The following VEPH1 variants were observed in gnomAD, a reference collection of about 807,000 sequenced individuals.
VEPH1 encodes ventricular zone-expressed PH domain-containing protein homolog 1.
A neutral mutation model predicts 85.2 loss-of-function variants in VEPH1; 80 were observed. The observed-to-expected ratio is 0.94, with a 90% confidence interval of 0.78 to 1.13. VEPH1 has a LOEUF of 1.13. Among genes scored for constraint, VEPH1 ranks in the 50% most tolerant of loss-of-function variants. The probability of loss-of-function intolerance (pLI) is 0.00; values close to 1 mark genes in which losing one functional copy is unlikely to be tolerated. For synonymous variants in VEPH1, 297 were observed against 348.0 expected, an observed-to-expected ratio of 0.85 and a Z score of 1.63; for missense variants, 955 against 980.5, an observed-to-expected ratio of 0.97 and a Z score of 0.35.
rs750981066 is a variant in VEPH1 at position 157,495,176 on chromosome 3, A to G, written c.138+36T>C. On this transcript the variant is annotated intron_variant, in intron 2 of 13. Coordinates refer to ENST00000362010, the MANE Select transcript of VEPH1 (RefSeq NM_001167912.2). Reference sequence around the variant, plus strand: ...CAAATCTCTAGCTCTAGGACAGGCCATTTCAGAGATGTAGTCTATAAACCA... The same window carrying G: ...CAAATCTCTAGCTCTAGGACAGGCCGTTTCAGAGATGTAGTCTATAAACCA... 1.6e-5 allele frequency: 26 copies of G among 1,603,736 alleles called. No homozygotes were observed. The East Asian group carries it at 5.8e-4, about 36-fold the overall frequency.
At chr3:157,493,699 A>C (rs183075571) in intron 2 of VEPH1, among the ~76,000 whole-genome samples, 2 of 152,318 alleles carry the variant, frequency 1.3e-5, no homozygotes, top group African/African-American at 4.8e-5. Context: ...GGGACCTGCC[A>C]GCCTTAATGG....
chr3:157,432,034 G>A (rs553967356), intron 4 of VEPH1, among the ~76,000 whole-genome samples: 12 of 151,752 alleles, frequency 7.9e-5, no homozygotes, highest in South Asian at 2.1e-4. Context: ...ATTTTTAGTA[G>A]AGATGGAGTT....
chr3:157,276,793 C>T (rs866019209), intron 12 of VEPH1, among the ~76,000 whole-genome samples: 3 of 152,000 alleles, frequency 2.0e-5, no homozygotes, highest in South Asian at 2.1e-4. Context: ...TAGTACATGT[C>T]TTTATGAGAA....
chr3:157,412,433 T>C (rs1731600956), intron 6 of VEPH1, among the ~76,000 whole-genome samples: 1 of 152,144 alleles, frequency 6.6e-6, no homozygotes, highest in African/African-American at 2.4e-5. Flanking sequence ...AGAATTACCA[T>C]TAAATTGCAG....
intron 9 of VEPH1, among the ~76,000 whole-genome samples, chr3:157,340,574 C>G (rs925507007): frequency 6.6e-6 from 1 of 152,198 alleles, no homozygotes; most frequent in African/African-American, 2.4e-5. Context: ...GGCCTACCTG[C>G]CTCTGTAGAC....
rs750882842 is a variant in VEPH1 at position 157,363,418 on chromosome 3, A to T, written c.1681T>A (p.Tyr561Asn). The T allele has an allele frequency of 6.2e-7, 1 of 1,612,836 alleles. No homozygotes were observed. Among genetic ancestry groups the T allele is most frequent in the Admixed American group, 1.7e-5 (1 of 59,674 alleles). Reference sequence around the variant, plus strand: ...ATCTTCTTTCCAATTTCCATGGCATATGCTTTCACTTTGCTGAGGTTTTTT... The same window carrying T: ...ATCTTCTTTCCAATTTCCATGGCATTTGCTTTCACTTTGCTGAGGTTTTTT... Reference protein sequence around the residue: ...LKKNLSKVKAYAMEIGKKIPV... With the variant: ...LKKNLSKVKANAMEIGKKIPV... Residue 561 changes from tyrosine (Y) to asparagine (N), a missense_variant, in exon 9 of 14, where the codon TAT becomes AAT. Tyr to Asn is a moderately radical substitution (Grantham distance 143). Transcript: ENST00000362010.
At position 157,260,044 on chromosome 3, in the gene VEPH1, G is replaced by A. The variant is rs933843647; in HGVS notation, c.*1090C>T. On this transcript the variant is annotated 3_prime_UTR_variant, in exon 14 of 14. Transcript: ENST00000362010. ...AGTCTGATTAGGTCAGGCCCACCCA[G>A]GGGATCTCTTTGATTAACTCAAAGT... 5.3e-5 allele frequency: 8 copies of A among 152,152 alleles called. No individual in the cohort carries two copies. Among genetic ancestry groups the A allele is most frequent in the African/African-American group, 1.9e-4 (8 of 41,434 alleles). The allele number at this position is 152,152 out of a possible 1,614,324, so 9.4% of individuals were successfully genotyped here. A position where few individuals can be genotyped will look rare whatever the true frequency, so the allele number is the denominator to read the frequency against.
chr3:157,470,229 C>T (rs1736794503), intron 3 of VEPH1, 85 bp downstream of exon 3: 1 of 1,220,884 alleles, frequency 8.2e-7, no homozygotes. Context: ...GCTGCAGAAG[C>T]ATTGGCTCTT....
chr3:157,436,928 C>T (rs1460296323), intron 4 of VEPH1: 2 of 1,612,794 alleles, frequency 1.2e-6, no homozygotes, highest in East Asian at 4.5e-5. Context: ...TTGCGTCTCT[C>T]CAGCAATGCA....
In VEPH1 at chr3:157,261,503, G is replaced by T. The variant is rs995685995; in HGVS notation, c.2266-133C>A. The T allele has an allele frequency of 5.7e-6, 8 of 1,393,152 alleles. No homozygotes were observed. In the African/African-American group the frequency reaches 8.6e-5, roughly 15 times the overall value. The allele number at this position is 1,393,152 out of a possible 1,614,324, so 86.3% of individuals were successfully genotyped here. A position where few individuals can be genotyped will look rare whatever the true frequency, so the allele number is the denominator to read the frequency against. On this transcript the variant is annotated intron_variant, in intron 13 of 13. Transcript: ENST00000362010. ...TCTCAAGACCTTTGTTATTTTGGGTGCTAAGGCCTCAGAATCATTAGAATA... is the reference window on the plus strand; with the variant it reads ...TCTCAAGACCTTTGTTATTTTGGGTTCTAAGGCCTCAGAATCATTAGAATA...
intron 1 of VEPH1, 31 bp from the exon 2 acceptor site, chr3:157,495,537 C>G: frequency 7.3e-7 from 1 of 1,379,242 alleles, no homozygotes; most frequent in African/African-American, 1.4e-5. Flanking sequence ...ACAATGTAGC[C>G]ACTGGCAGAA....
At chr3:157,413,656 T>C in intron 6 of VEPH1, 5 of 985,246 alleles carry the variant, frequency 5.1e-6, no homozygotes, top group Admixed American at 6.2e-5. Context: ...CCATTGTCCA[T>C]GTAAAAGGAC....
At chr3:157,396,835 T>C (rs1403429501) in intron 6 of VEPH1, among the ~76,000 whole-genome samples, 1 of 152,212 alleles carries the variant, frequency 6.6e-6, no homozygotes, top group Admixed American at 6.5e-5. Flanking sequence ...TTGTAGATTC[T>C]AGGTATTAGA....
intron 1 of VEPH1, among the ~76,000 whole-genome samples, chr3:157,497,293 T>C (rs1177115694): frequency 6.6e-6 from 1 of 152,128 alleles, no homozygotes; most frequent in Non-Finnish European, 1.5e-5. Flanking sequence ...TTCTATGCCC[T>C]GAGATTTAGA....
chr3:157,268,687 A>G (rs1222714785), intron 12 of VEPH1, among the ~76,000 whole-genome samples: 1 of 152,212 alleles, frequency 6.6e-6, no homozygotes, highest in Non-Finnish European at 1.5e-5. Flanking sequence ...ATAGCAAAGC[A>G]CAAGGCACTG....
In VEPH1 at chr3:157,364,484, G is replaced by A; in HGVS notation, c.1156C>T (p.Pro386Ser). The A allele has an allele frequency of 6.2e-7, 1 of 1,613,734 alleles. No homozygotes were observed. Among genetic ancestry groups the A allele is most frequent in the Middle Eastern group, 1.7e-4 (1 of 6,052 alleles). ...RRKISTEIEF[P>S]EKLEETKLIV... ...AGCTTGGTTTCTTCCAGTTTCTCAG[G>A]GAATTCAATTTCAGTGCTGATTTTT... Residue 386 changes from proline to serine, a missense_variant, in exon 8 of 14, where the codon CCT becomes TCT. By Grantham distance (74) the Pro-to-Ser change is moderately conservative (BLOSUM62 -1). Coordinates refer to ENST00000362010, the MANE Select transcript of VEPH1 (RefSeq NM_001167912.2).
At chr3:157,439,475 A>G (rs915488811) in intron 4 of VEPH1, among the ~76,000 whole-genome samples, 3 of 152,214 alleles carry the variant, frequency 2.0e-5, no homozygotes, top group African/African-American at 4.8e-5. Flanking sequence ...AGAAAAACCT[A>G]TTAGTTAAAA....
chr3:157,494,927 T>C (rs1739535800), intron 2 of VEPH1, among the ~76,000 whole-genome samples: 2 of 152,120 alleles, frequency 1.3e-5, no homozygotes, highest in South Asian at 4.2e-4. Flanking sequence ...GACATAAAAA[T>C]AGCCCCTAAA....
At chr3:157,422,625 A>C (rs763007051) in intron 5 of VEPH1, among the ~76,000 whole-genome samples, 9 of 151,740 alleles carry the variant, frequency 5.9e-5, no homozygotes, top group Non-Finnish European at 1.2e-4. Flanking sequence ...TCCACTCCTC[A>C]CCCCAAACTC....
Sources: allele counts gnomAD v4.1 joint callset (sites outside exome capture counted in the v4.1 genomes callset), GRCh38; gene constraint gnomAD v4.1.1; transcripts MANE v1.5; gene names NCBI Gene and HGNC (gene_info 2026-07-23, HGNC 2026-07-21).